Variants in TEX11 observed in about 807,000 individuals in gnomAD.
TEX11 encodes the protein testis-expressed protein 11.
Under a neutral mutation model 84.4 loss-of-function variants are expected in TEX11, and 7 were observed. That is an observed-to-expected ratio of 0.08 (90% CI 0.05 to 0.16). The LOEUF (loss-of-function observed/expected upper bound fraction) is 0.16, where lower values mean the gene tolerates loss of function less well. Ranked by LOEUF, TEX11 falls within the 10% of genes least tolerant of loss-of-function variation. The probability of loss-of-function intolerance (pLI) is 1.00; values close to 1 mark genes in which losing one functional copy is unlikely to be tolerated. For missense variants in TEX11, 551 were observed against 660.5 expected, an observed-to-expected ratio of 0.83 and a Z score of 1.82; for synonymous variants, 264 against 222.8, an observed-to-expected ratio of 1.18 and a Z score of -1.64.
chrX:70,648,305 T>C (rs949262323), intron 17 of TEX11, among the ~76,000 whole-genome samples: 8 of 110,368 alleles, frequency 7.2e-5, no homozygotes, highest in African/African-American at 2.6e-4. Flanking sequence ...GAGATATACC[T>C]AATGTAAATG....
At chrX:70,789,751 A>G (rs917110141) in intron 9 of TEX11, among the ~76,000 whole-genome samples, 4 of 112,044 alleles carry the variant, frequency 3.6e-5, no homozygotes, top group African/African-American at 1.3e-4. Flanking sequence ...CAAACTAAAA[A>G]TAAAATTACT....
At chrX:70,798,834 A>C (rs914640704) in intron 9 of TEX11, among the ~76,000 whole-genome samples, 8 of 111,974 alleles carry the variant, frequency 7.1e-5, no homozygotes, top group African/African-American at 2.6e-4. Flanking sequence ...TTATGCAAAA[A>C]ATCAATTAAA....
intron 20 of TEX11, among the ~76,000 whole-genome samples, chrX:70,620,122 C>T (rs1445838753): frequency 9.0e-6 from 1 of 111,234 alleles, no homozygotes; most frequent in Non-Finnish European, 1.9e-5. Flanking sequence ...CAATGCCCGG[C>T]CATGTGCCAG....
chrX:70,623,210 A>G (rs1450817206), intron 20 of TEX11, among the ~76,000 whole-genome samples: 1 of 111,908 alleles, frequency 8.9e-6, no homozygotes, highest in Non-Finnish European at 1.9e-5. Context: ...AGAGGGAACT[A>G]TTACAGAGTT....
chrX:70,841,484 T>C (rs1018239628), intron 7 of TEX11, among the ~76,000 whole-genome samples: 5 of 109,314 alleles, frequency 4.6e-5, no homozygotes, highest in African/African-American at 1.7e-4. Context: ...CAAAGCAGTG[T>C]GTAGAGGGAA....
chrX:70,788,961 TATATATATATATAG>T (rs1373253628), intron 9 of TEX11, among the ~76,000 whole-genome samples: 40 of 44,528 alleles, frequency 9.0e-4, no homozygotes, highest in African/African-American at 3.1e-3. Flanking sequence ...TATATATATA[TATATATATATATAG>T]AGAGAGAGAG....
chrX:70,801,657 CTTTCT>C (rs1569444929), intron 9 of TEX11, among the ~76,000 whole-genome samples: 2 of 93,464 alleles, frequency 2.1e-5, no homozygotes, highest in African/African-American at 7.8e-5. Context: ...TTCTTTCTTT[CTTTCT>C]TTCTTTCTTT....
chrX:70,518,136 G>A, the TEX11 span, among the ~76,000 whole-genome samples: 1 of 109,872 alleles, frequency 9.1e-6, no homozygotes, highest in African/African-American at 3.3e-5. Flanking sequence ...GTTTTGCTCT[G>A]ATCTTAGTTA....
At chrX:70,870,219 T>G (rs996911424) in intron 4 of TEX11, among the ~76,000 whole-genome samples, 1 of 112,473 alleles carries the variant, frequency 8.9e-6, no homozygotes, top group Non-Finnish European at 1.9e-5. Flanking sequence ...AATTTAAGAT[T>G]GGTATCTTTG....
At chrX:70,524,351 A>G (rs946748518), downstream of TEX11, among the ~76,000 whole-genome samples, 1 of 112,073 alleles carries the variant, frequency 8.9e-6, no homozygotes, top group African/African-American at 3.2e-5. Context: ...TAAGACTGCA[A>G]AGCACTTCAC....
chrX:70,725,340 G>T lies in TEX11; in HGVS notation c.847C>A (p.His283Asn). The T allele has an allele frequency of 8.6e-7, 1 of 1,160,585 alleles. No homozygotes were observed. Among genetic ancestry groups the T allele is most frequent in the African/African-American group, 1.8e-5 (1 of 56,844 alleles). Residue 283 changes from histidine (H) to asparagine (N), a missense_variant, in exon 12 of 30, where the codon CAT becomes AAT. Coordinates refer to ENST00000374333, the MANE Select transcript of TEX11 (RefSeq NM_031276.3). ...AAGAAAAGCCCAGGAGAACTTAAAT[G>T]TTCCTATTTTAAACAAAGAAATCAC... The part of the protein sequence containing the change: ...LNAVNLANKE[H>N]LSSPGLFLKM...
At chrX:70,839,450 T>A (rs1263814110) in intron 7 of TEX11, among the ~76,000 whole-genome samples, 4 of 111,494 alleles carry the variant, frequency 3.6e-5, no homozygotes, top group Non-Finnish European at 7.5e-5. Flanking sequence ...GAAGGAAAAC[T>A]AACAAACAGA....
At chrX:70,785,654 T>C (rs941242668) in intron 9 of TEX11, among the ~76,000 whole-genome samples, 4 of 111,616 alleles carry the variant, frequency 3.6e-5, no homozygotes, top group East Asian at 2.8e-4. Context: ...AAAAAGTGGG[T>C]GAAGGATATG....
intron 26 of TEX11, 95 bp from the exon 27 acceptor site, chrX:70,553,509 G>A: frequency 2.1e-6 from 1 of 469,576 alleles, no homozygotes; most frequent in Non-Finnish European, 3.5e-6. Flanking sequence ...AATGAAACTG[G>A]GCTGAAACAG....
intron 9 of TEX11, among the ~76,000 whole-genome samples, chrX:70,805,732 G>T (rs1251243982): frequency 9.0e-6 from 1 of 111,313 alleles, no homozygotes; most frequent in African/African-American, 3.3e-5. Flanking sequence ...TCAAAGCACT[G>T]CACCTTATGT....
intron 13 of TEX11, among the ~76,000 whole-genome samples, chrX:70,696,278 T>C (rs2090279436): frequency 9.0e-6 from 1 of 111,572 alleles, no homozygotes; most frequent in African/African-American, 3.3e-5. Flanking sequence ...CTACTTATGG[T>C]TGCTGGACTT....
chrX:70,718,225 C>T (rs1299150841), intron 13 of TEX11, among the ~76,000 whole-genome samples: 1 of 112,042 alleles, frequency 8.9e-6, no homozygotes, highest in Non-Finnish European at 1.9e-5. Flanking sequence ...ATTTGTAGTT[C>T]TTTACTGACA....
At chrX:70,653,888 T>C (rs770057309) in intron 16 of TEX11, among the ~76,000 whole-genome samples, 1 of 111,940 alleles carries the variant, frequency 8.9e-6, no homozygotes, top group South Asian at 3.7e-4. Context: ...TAAAAGGACA[T>C]GAAGGAATCT....
At chrX:70,566,477 T>C (rs2088481006) in intron 25 of TEX11, among the ~76,000 whole-genome samples, 1 of 110,792 alleles carries the variant, frequency 9.0e-6, no homozygotes, top group African/African-American at 3.3e-5. Context: ...ATCCCTCTCT[T>C]GTGCCAGTTT....
Sources: gnomAD v4.1 joint callset for allele counts (sites outside exome capture counted in the v4.1 genomes callset) on GRCh38, gnomAD v4.1.1 for gene constraint, MANE v1.5 for transcripts, NCBI Gene and HGNC (gene_info 2026-07-23, HGNC 2026-07-21) for gene names.